MTUS1: variants seen among roughly 807,000 people sequenced by gnomAD.
The protein encoded by MTUS1 is microtubule-associated tumor suppressor 1.
Under a neutral mutation model 120.8 loss-of-function variants are expected in MTUS1, and 109 were observed. The observed-to-expected ratio is 0.90, with a 90% confidence interval of 0.77 to 1.06. The LOEUF (loss-of-function observed/expected upper bound fraction) is 1.06. MTUS1 is among the 50% of genes least tolerant of loss of function. The probability of loss-of-function intolerance (pLI) is 0.00; values close to 1 mark genes in which losing one functional copy is unlikely to be tolerated. For synonymous variants in MTUS1, 737 were observed against 550.5 expected, an observed-to-expected ratio of 1.34 and a Z score of -4.74; for missense variants, 2,210 against 1,486.3, an observed-to-expected ratio of 1.49 and a Z score of -8.01.
chr8:17,699,670 T>G (rs1041948668), intron 6 of MTUS1, among the ~76,000 whole-genome samples: 1 of 152,244 alleles, frequency 6.6e-6, no homozygotes, highest in African/African-American at 2.4e-5. Flanking sequence ...TGATATCTCT[T>G]AACAGCAGAG....
chr8:17,764,833 C>T (rs1407544087), intron 1 of MTUS1, among the ~76,000 whole-genome samples: 2 of 152,196 alleles, frequency 1.3e-5, no homozygotes, highest in Non-Finnish European at 2.9e-5. Context: ...TGGTCCCCAA[C>T]CTTTTTGGCA....
At chr8:17,752,911 C>G (rs909189535) in intron 2 of MTUS1, among the ~76,000 whole-genome samples, 5 of 152,006 alleles carry the variant, frequency 3.3e-5, no homozygotes, top group South Asian at 4.1e-4. Flanking sequence ...TTTTTAAAAC[C>G]CAGAAAACCA....
At chr8:17,767,219 T>G (rs2049588565) in intron 1 of MTUS1, among the ~76,000 whole-genome samples, 1 of 147,982 alleles carries the variant, frequency 6.8e-6, no homozygotes. Context: ...AAAAGGCATT[T>G]ATAAAAAACA....
At chr8:17,790,370 GA>G (rs1403815270) in intron 1 of MTUS1, among the ~76,000 whole-genome samples, 2 of 150,498 alleles carry the variant, frequency 1.3e-5, no homozygotes, top group Non-Finnish European at 3.0e-5. Flanking sequence ...AAAGTTTCAG[GA>G]AAAAAAATAG....
chr8:17,783,385 G>C (rs7461161), intron 1 of MTUS1, among the ~76,000 whole-genome samples: 1 of 151,970 alleles, frequency 6.6e-6, no homozygotes, highest in East Asian at 1.9e-4. Context: ...TCCCTCTCTT[G>C]CCCTCATAAG....
chr8:17,713,783 T>G lies in MTUS1; in HGVS notation c.2585-531A>C, dbSNP rs140956745. Among the ~76,000 whole-genome samples the G allele has an allele frequency of 3.4e-4, 52 of 152,328 alleles. No individual in the cohort carries two copies. In the Middle Eastern group the frequency reaches 0.014, roughly 40 times the overall value. ...AAAAGAAATCTATGATGCTTCTACTTAACATGAAATAGTTGTTTCTAGGAC... is the reference window on the plus strand; with the variant it reads ...AAAAGAAATCTATGATGCTTCTACTGAACATGAAATAGTTGTTTCTAGGAC... On this transcript the variant is annotated intron_variant, in intron 5 of 14. Coordinates refer to ENST00000693296, the MANE Select transcript of MTUS1 (RefSeq NM_001363059.2).
At chr8:17,745,890 C>T (rs1170419226) in intron 2 of MTUS1, among the ~76,000 whole-genome samples, 1 of 152,150 alleles carries the variant, frequency 6.6e-6, no homozygotes, top group Admixed American at 6.5e-5. Context: ...GAGGAGGGAC[C>T]TGGTGGGAGG....
chr8:17,653,558 A>C (rs957947451), intron 10 of MTUS1, 60 bp from the exon 11 acceptor site: 5 of 1,218,078 alleles, frequency 4.1e-6, no homozygotes, highest in African/African-American at 3.0e-5. Flanking sequence ...ATGTACTCTA[A>C]AACAGTTAAA....
chr8:17,723,548 G>T (rs777508420), intron 4 of MTUS1, 124 bp downstream of exon 4: 1 of 972,870 alleles, frequency 1.0e-6, no homozygotes, highest in Non-Finnish European at 1.6e-6. Flanking sequence ...GCAACTCCAA[G>T]GAAGCAGTAT....
chr8:17,718,570 GAC>G (rs1422931998), intron 4 of MTUS1, among the ~76,000 whole-genome samples: 1 of 152,072 alleles, frequency 6.6e-6, no homozygotes, highest in African/African-American at 2.4e-5. Context: ...TCATCCTAAA[GAC>G]AGTGTTCTAG....
Position 17,755,824 on chromosome 8 carries a change from A to C in MTUS1, c.-17T>G. 6.3e-7 allele frequency: 1 copy of C among 1,590,414 alleles called. No individual in the cohort carries two copies. The highest frequency in any genetic ancestry group is 1.1e-5 in the South Asian group (1 of 87,278). ...ATCAGTCATCCTGAATAGTAACCTT[A>C]AACCTCTGCCATTTTATTTCTTCTT... On this transcript the variant is annotated 5_prime_UTR_variant, in exon 2 of 15. An upstream open reading frame in the 5' UTR loses its in-frame stop. Transcript: ENST00000693296.
chr8:17,706,474 G>C (rs1313977725), intron 6 of MTUS1, among the ~76,000 whole-genome samples: 1 of 152,136 alleles, frequency 6.6e-6, no homozygotes, highest in East Asian at 1.9e-4. Context: ...TAAAGGTCAA[G>C]CTAAAACAAT....
At chr8:17,764,157 G>A (rs1373710995) in intron 1 of MTUS1, among the ~76,000 whole-genome samples, 1 of 152,170 alleles carries the variant, frequency 6.6e-6, no homozygotes, top group Non-Finnish European at 1.5e-5. Flanking sequence ...CAACAGTTAA[G>A]AACTATGTCA....
chr8:17,769,746 G>C lies in MTUS1; in HGVS notation c.-154-13785C>G, dbSNP rs77195048. 3.3e-5 allele frequency among the ~76,000 whole-genome samples: 5 copies of C among 152,048 alleles called. No homozygotes were observed. In the East Asian group the frequency reaches 7.7e-4, roughly 23 times the overall value. ...AAAGCAGCAGAAATAACAAAGTTGT[G>C]TTTCCCTCAATCCTCATCTCTTGCT... On this transcript the variant is annotated intron_variant, in intron 1 of 14. Coordinates refer to ENST00000693296, the MANE Select transcript of MTUS1 (RefSeq NM_001363059.2).
intron 1 of MTUS1, among the ~76,000 whole-genome samples, chr8:17,786,306 T>C (rs1309419068): frequency 6.6e-6 from 1 of 152,138 alleles, no homozygotes; most frequent in African/African-American, 2.4e-5. Flanking sequence ...CAGAGAGGTC[T>C]GGAAGGCAGT....
intron 8 of MTUS1, among the ~76,000 whole-genome samples, chr8:17,671,600 G>C (rs1812033779): frequency 6.6e-6 from 1 of 152,236 alleles, no homozygotes; most frequent in South Asian, 2.1e-4. Flanking sequence ...GGAACAACGG[G>C]AAAGTCAGTG....
At chr8:17,758,115 C>T (rs963538048) in intron 1 of MTUS1, 8 of 152,146 alleles carry the variant, frequency 5.3e-5, no homozygotes, top group Non-Finnish European at 8.8e-5. Flanking sequence ...GAAAAAATGC[C>T]ATTTCGTGTG....
At position 17,754,250 on chromosome 8, in the gene MTUS1, A is replaced by G. The variant is rs760083941; in HGVS notation, c.1558T>C (p.Leu520=). The stretch of plus-strand genomic sequence containing the variant: ...GATAAAGCAGCATCTTTGGGCTGCA[A>G]CACTGCTCTAGACATAACTTTTGCT... ...VKAKVMSRAV[L]QPKDAALSKV... is the part of the protein sequence containing the mutation. Residue 520 remains leucine (L), a synonymous_variant, in exon 2 of 15, where the codon TTG becomes CTG. Transcript: ENST00000693296. 60 of 1,614,152 alleles carry G rather than the reference A, an allele frequency of 3.7e-5. No homozygotes were observed. In the South Asian group the frequency reaches 6.3e-4, roughly 17 times the overall value.
At position 17,645,571 on chromosome 8, in the gene MTUS1, T is replaced by TGG. The variant is rs1805611884; in HGVS notation, c.*354_*355insCC. On this transcript the variant is annotated 3_prime_UTR_variant, in exon 15 of 15. Coordinates refer to ENST00000693296, the MANE Select transcript of MTUS1 (RefSeq NM_001363059.2). Reference sequence around the variant, plus strand: ...AAGAAGGTGTCTGTGGTGAAGAACATTACAAAGGTTATAAATCTTAATAGG... The same window carrying TGG: ...AAGAAGGTGTCTGTGGTGAAGAACATGGTACAAAGGTTATAAATCTTAATAGG... 4 of 182,070 alleles carry TGG rather than the reference T, an allele frequency of 2.2e-5. No homozygotes were observed. The highest frequency in any genetic ancestry group is 4.5e-5 in the Non-Finnish European group (4 of 88,612). 11.3% of individuals were successfully genotyped at this position (182,070 alleles called of 1,614,324 possible).
Sources: gnomAD v4.1 joint callset for allele counts (sites outside exome capture counted in the v4.1 genomes callset) on GRCh38, gnomAD v4.1.1 for gene constraint, MANE v1.5 for transcripts, NCBI Gene and HGNC (gene_info 2026-07-23, HGNC 2026-07-21) for gene names.